The following NT5DC1 variants were observed in gnomAD, a reference collection of about 807,000 sequenced individuals.
The protein encoded by NT5DC1 is 5'-nucleotidase domain containing 1.
A neutral mutation model predicts 59.4 loss-of-function variants in NT5DC1; 42 were observed. The ratio of observed to expected loss-of-function variants is 0.71; its 90% CI spans 0.55 to 0.92. The LOEUF is 0.92. Among genes scored for constraint, NT5DC1 ranks in the 40% least tolerant of loss-of-function variants. NT5DC1 has a pLI of 0.00. For synonymous variants in NT5DC1, 172 were observed against 188.1 expected (o/e 0.91, Z 0.70); for missense variants, 501 against 537.1 (o/e 0.93, Z 0.66).
chr6:116,112,995 C>T (rs1409330752), intron 4 of NT5DC1, among the ~76,000 whole-genome samples: 1 of 152,144 alleles, frequency 6.6e-6, no homozygotes, highest in African/African-American at 2.4e-5. Flanking sequence ...TTGATGACAA[C>T]TTGTTTGATA....
intron 6 of NT5DC1, among the ~76,000 whole-genome samples, chr6:116,217,957 G>T (rs1475320327): frequency 6.6e-6 from 1 of 152,050 alleles, no homozygotes; most frequent in African/African-American, 2.4e-5. Flanking sequence ...TTACAAGGGG[G>T]CAAAAATATT....
chr6:116,215,453 C>G (rs906270467), intron 6 of NT5DC1, among the ~76,000 whole-genome samples: 1 of 152,144 alleles, frequency 6.6e-6, no homozygotes, highest in Non-Finnish European at 1.5e-5. Context: ...AAGATTTCAT[C>G]TCTCCCTATG....
chr6:116,226,005 A>G (rs1044722816), intron 8 of NT5DC1, among the ~76,000 whole-genome samples: 2 of 152,186 alleles, frequency 1.3e-5, no homozygotes, highest in African/African-American at 4.8e-5. Context: ...ACGACGAAGA[A>G]TTATCTAGCC....
intron 8 of NT5DC1, among the ~76,000 whole-genome samples, chr6:116,226,589 T>A (rs1165267847): frequency 6.6e-6 from 1 of 152,076 alleles, no homozygotes; most frequent in East Asian, 1.9e-4. Context: ...TTCTGTTAGT[T>A]GTATAGTACA....
At chr6:116,188,662 C>A (rs1582862969) in intron 6 of NT5DC1, among the ~76,000 whole-genome samples, 2 of 150,236 alleles carry the variant, frequency 1.3e-5, no homozygotes, top group Non-Finnish European at 1.5e-5. Context: ...AATTACCTTT[C>A]AAGGGTGGTA....
rs532943521 is a variant in NT5DC1 at position 116,155,237 on chromosome 6, G to A, written c.529+37292G>A. Among the ~76,000 whole-genome samples, 3 of 152,256 alleles carry A rather than the reference G, an allele frequency of 2.0e-5. No homozygotes were observed. In the South Asian group the frequency reaches 6.2e-4, roughly 32 times the overall value. ...AGCATTGTTAGACAACTGTCGTGAT[G>A]GTTACATGTTATATAGTTTCCTAAT... On this transcript the variant is annotated intron_variant, in intron 6 of 11. Transcript: ENST00000319550.
intron 6 of NT5DC1, among the ~76,000 whole-genome samples, chr6:116,217,864 T>G (rs1468241841): frequency 6.6e-6 from 1 of 152,190 alleles, no homozygotes; most frequent in Non-Finnish European, 1.5e-5. Context: ...AACTCTTCAT[T>G]TGATTTAATA....
chr6:116,192,358 G>T (rs567518725), intron 6 of NT5DC1, among the ~76,000 whole-genome samples: 1 of 151,882 alleles, frequency 6.6e-6, no homozygotes, highest in South Asian at 2.1e-4. Flanking sequence ...TTCCGTTTTG[G>T]GTATACTCGA....
chr6:116,141,741 G>A (rs1285290943), intron 6 of NT5DC1, among the ~76,000 whole-genome samples: 2 of 151,092 alleles, frequency 1.3e-5, no homozygotes, highest in African/African-American at 4.9e-5. Context: ...AATAACTAGT[G>A]CCACATTTTC....
chr6:116,153,375 G>A (rs941936825), intron 6 of NT5DC1, among the ~76,000 whole-genome samples: 1 of 152,016 alleles, frequency 6.6e-6, no homozygotes, highest in Non-Finnish European at 1.5e-5. Flanking sequence ...AATTTAGCTC[G>A]ATTTTAGATC....
chr6:116,182,010 T>G (rs918148529), intron 6 of NT5DC1, among the ~76,000 whole-genome samples: 2 of 152,030 alleles, frequency 1.3e-5, no homozygotes, highest in African/African-American at 2.4e-5. Context: ...TAGTCCTTTA[T>G]CCCTCACCCG....
At chr6:116,226,910 T>G (rs559146150) in intron 8 of NT5DC1, among the ~76,000 whole-genome samples, 1 of 152,262 alleles carries the variant, frequency 6.6e-6, no homozygotes, top group East Asian at 1.9e-4. Flanking sequence ...GATATATATA[T>G]AGATTGTAGA....
chr6:116,144,859 T>G (rs1779857229), intron 6 of NT5DC1, among the ~76,000 whole-genome samples: 1 of 152,264 alleles, frequency 6.6e-6, no homozygotes, highest in Admixed American at 6.5e-5. Context: ...AGAGCTCTGT[T>G]TGGCACATAG....
intron 6 of NT5DC1, among the ~76,000 whole-genome samples, chr6:116,127,300 G>A (rs978852794): frequency 1.3e-5 from 2 of 152,008 alleles, no homozygotes; most frequent in African/African-American, 4.8e-5. Flanking sequence ...TTTAAACAAA[G>A]CCTTGTATAG....
At position 116,121,704 on chromosome 6, in the gene NT5DC1, G is replaced by A. The variant is rs781359017; in HGVS notation, c.529+3759G>A. ...ATTCCAGGTGGTCCTGGTGGGCCCC[G>A]GGGTCCTGGTAGGCCAGCTGGTCCA... is the stretch of plus-strand genomic sequence containing the variant. On this transcript the variant is annotated intron_variant, in intron 6 of 11. Coordinates refer to ENST00000319550, the MANE Select transcript of NT5DC1 (RefSeq NM_152729.3). 8.1e-6 allele frequency: 13 copies of A among 1,613,886 alleles called. No individual in the cohort carries two copies. The highest frequency in any genetic ancestry group is 3.3e-5 in the South Asian group (3 of 91,050).
chr6:116,206,170 C>T (rs956836822), intron 6 of NT5DC1, among the ~76,000 whole-genome samples: 1 of 151,896 alleles, frequency 6.6e-6, no homozygotes, highest in African/African-American at 2.4e-5. Flanking sequence ...CATTTTGGGC[C>T]CATGCAGGGC....
At chr6:116,130,895 G>A (rs565287810) in intron 6 of NT5DC1, among the ~76,000 whole-genome samples, 21 of 151,908 alleles carry the variant, frequency 1.4e-4, no homozygotes, top group African/African-American at 2.4e-4. Context: ...AATATAAGCC[G>A]TTTGATTATG....
chr6:116,226,106 T>C (rs1241363675), intron 8 of NT5DC1, among the ~76,000 whole-genome samples: 1 of 152,214 alleles, frequency 6.6e-6, no homozygotes, highest in Non-Finnish European at 1.5e-5. Context: ...TAAAGTCTTA[T>C]ATAATAAAAT....
At chr6:116,180,463 A>T (rs1375091718) in intron 6 of NT5DC1, among the ~76,000 whole-genome samples, 1 of 152,108 alleles carries the variant, frequency 6.6e-6, no homozygotes, top group Admixed American at 6.6e-5. Context: ...AGTGATCATT[A>T]ATGACTGCTA....
Sources: gnomAD v4.1 joint callset for allele counts (sites outside exome capture counted in the v4.1 genomes callset) on GRCh38, gnomAD v4.1.1 for gene constraint, MANE v1.5 for transcripts, NCBI Gene and HGNC (gene_info 2026-07-23, HGNC 2026-07-21) for gene names.